Variants in GTF3C1 observed in about 807,000 individuals in gnomAD.
GTF3C1 encodes the protein general transcription factor 3C polypeptide 1.
Under a neutral mutation model 226.7 loss-of-function variants are expected in GTF3C1, and 57 were observed. That is an observed-to-expected ratio of 0.25 (90% confidence interval 0.20 to 0.31). The LOEUF (loss-of-function observed/expected upper bound fraction) is 0.31, where lower values mean the gene tolerates loss of function less well. Ranked by LOEUF, GTF3C1 falls within the 10% of genes least tolerant of loss-of-function variation. GTF3C1 has a pLI of 1.00. For missense variants in GTF3C1, 2,217 were observed against 2,776.1 expected, an observed-to-expected ratio of 0.80 and a Z score of 4.53; for synonymous variants, 1,090 against 1,084.8, an observed-to-expected ratio of 1.00 and a Z score of -0.09.
intron 5 of GTF3C1, among the ~76,000 whole-genome samples, chr16:27,529,519 C>T (rs1448713975): frequency 6.6e-6 from 1 of 152,062 alleles, no homozygotes; most frequent in East Asian, 1.9e-4. Context: ...ATTTCCATCT[C>T]ATCACTCCTA....
chr16:27,538,776 C>T (rs1348752242), intron 2 of GTF3C1, among the ~76,000 whole-genome samples: 2 of 152,124 alleles, frequency 1.3e-5, no homozygotes. Context: ...GCTGCCCTTG[C>T]TGTTTCCTCG....
chr16:27,494,931 C>T (rs1313715015), intron 15 of GTF3C1, 23 bp from the exon 16 acceptor site: 1 of 1,605,450 alleles, frequency 6.2e-7, no homozygotes, highest in Non-Finnish European at 8.5e-7. Flanking sequence ...CGCACGGTTA[C>T]CCCCGGCAGC....
intron 12 of GTF3C1, 151 bp downstream of exon 12, chr16:27,501,040 A>G: frequency 1.6e-6 from 1 of 643,408 alleles, no homozygotes; most frequent in East Asian, 2.7e-5. Context: ...TTTCCAGCTA[A>G]CCCATATTCC....
At chr16:27,472,001 C>T (rs759020503) in intron 29 of GTF3C1, 81 bp from the exon 30 acceptor site, 311 of 1,243,578 alleles carry the variant, frequency 2.5e-4, no homozygotes, top group Non-Finnish European at 3.4e-4. Flanking sequence ...GCAGAGGCTG[C>T]GGCTGATGCT....
At chr16:27,476,837 T>C (rs1245974940) in intron 28 of GTF3C1, among the ~76,000 whole-genome samples, 1 of 151,884 alleles carries the variant, frequency 6.6e-6, no homozygotes, top group Admixed American at 6.6e-5. Context: ...TCTAAACGAG[T>C]TTTTCTCCGA....
intron 16 of GTF3C1, 105 bp downstream of exon 16, chr16:27,494,658 G>T: frequency 1.3e-6 from 1 of 755,020 alleles, no homozygotes; most frequent in Non-Finnish European, 2.3e-6. Context: ...CATTCATCTG[G>T]GCAACACCGG....
intron 6 of GTF3C1, among the ~76,000 whole-genome samples, chr16:27,519,694 CAAGAGAA>C (rs1043460041): frequency 5.3e-5 from 8 of 149,748 alleles, no homozygotes; most frequent in African/African-American, 1.5e-4. Context: ...AGAAAGAGGG[CAAGAGAA>C]AAGAGAAAAG....
chr16:27,533,236 C>T, intron 5 of GTF3C1, 55 bp downstream of exon 5: 2 of 845,568 alleles, frequency 2.4e-6, no homozygotes, highest in Admixed American at 1.9e-5. Flanking sequence ...GACAAGACCT[C>T]CCGGCTATGG....
In GTF3C1 at chr16:27,463,129, C is replaced by T. The variant is rs1035626161; in HGVS notation, c.5924+412G>A. ...CCCCCACCAGAGGGGCTTCTGCGGC[C>T]CCCTTGCTTCCTGTAACTCTGTGGC... On this transcript the variant is annotated intron_variant, in intron 35 of 36. Transcript: ENST00000356183. The surrounding 1 kb of genome is among the most constrained non-coding windows in gnomAD (Gnocchi z 4.9). 3 of 207,228 alleles carry T rather than the reference C, an allele frequency of 1.4e-5. No homozygotes were observed. Among genetic ancestry groups the T allele is most frequent in the Non-Finnish European group, 2.9e-5 (3 of 105,128 alleles). 12.8% of individuals were successfully genotyped at this position (207,228 alleles called of 1,614,324 possible). A position where few individuals can be genotyped will look rare whatever the true frequency, so the allele number is the denominator to read the frequency against.
chr16:27,519,726 AAGAG>A (rs565772923), intron 6 of GTF3C1, among the ~76,000 whole-genome samples: 6 of 152,208 alleles, frequency 3.9e-5, no homozygotes, highest in Non-Finnish European at 5.9e-5. Context: ...CAAAAGAAAA[AAGAG>A]AGAGAGACAG....
chr16:27,506,284 C>T (rs932591816), intron 9 of GTF3C1, among the ~76,000 whole-genome samples, 168 bp from the exon 10 acceptor site: 3 of 152,132 alleles, frequency 2.0e-5, no homozygotes, highest in East Asian at 1.9e-4. Flanking sequence ...GGCCTCTCAT[C>T]GGCAGCAGGG....
Position 27,483,515 on chromosome 16 carries a change from A to G in GTF3C1, c.4002-390T>C, listed in dbSNP as rs865775396. The G allele has an allele frequency of 6.1e-5, 28 of 460,396 alleles. No homozygotes were observed. In the Middle Eastern group the frequency reaches 1.6e-3, roughly 26 times the overall value. 28.5% of individuals were successfully genotyped at this position (460,396 alleles called of 1,614,324 possible). ...TCTTAAGCTCTCTAATCTACTGCAA[A>G]GCAGGTGTGTCCACTCCACTAACCT... is the stretch of plus-strand genomic sequence containing the variant. On this transcript the variant is annotated intron_variant, in intron 25 of 36. Transcript: ENST00000356183.
intron 32 of GTF3C1, among the ~76,000 whole-genome samples, chr16:27,468,996 G>A: frequency 6.6e-6 from 1 of 152,344 alleles, no homozygotes; most frequent in East Asian, 1.9e-4. Context: ...TGGGGAAGCG[G>A]AAGTGCTCTG....
At chr16:27,522,325 A>G (rs2088762684) in intron 6 of GTF3C1, among the ~76,000 whole-genome samples, 1 of 152,214 alleles carries the variant, frequency 6.6e-6, no homozygotes, top group East Asian at 1.9e-4. Context: ...GGACTTTCCT[A>G]TAAATGGAAC....
chr16:27,496,998 T>C lies in GTF3C1; in HGVS notation c.2350+639A>G, dbSNP rs143531022. On this transcript the variant is annotated intron_variant, in intron 14 of 36. Coordinates refer to ENST00000356183, the MANE Select transcript of GTF3C1 (RefSeq NM_001520.4). ...GGGCTGCAGCCCTAGGAAAGGGAAGTCACACACACAACCTCTTCCACTTGG... is the reference window on the plus strand; with the variant it reads ...GGGCTGCAGCCCTAGGAAAGGGAAGCCACACACACAACCTCTTCCACTTGG... Among the ~76,000 whole-genome samples the C allele has an allele frequency of 6.0e-3, 915 of 152,308 alleles. 12 individuals are homozygous for C. The highest frequency in any genetic ancestry group is 0.021 in the African/African-American group (887 of 41,564).
chr16:27,486,888 G>GT (rs1325031462), intron 23 of GTF3C1, among the ~76,000 whole-genome samples: 3 of 152,204 alleles, frequency 2.0e-5, no homozygotes, highest in South Asian at 2.1e-4. Context: ...TGTTATCACT[G>GT]TTTTTTGTTG....
At chr16:27,537,705 G>T in intron 4 of GTF3C1, 79 bp downstream of exon 4, 1 of 1,001,450 alleles carries the variant, frequency 1.0e-6, no homozygotes, top group Non-Finnish European at 1.5e-6. Context: ...ACTGTACCCA[G>T]CTGCCCCTAC....
Position 27,463,687 on chromosome 16 carries a change from C to A in GTF3C1, c.5873-95G>T, listed in dbSNP as rs1295638436. Reference sequence around the variant, plus strand: ...AGCATGGTACCTAGCATGAGCAGGGCACCTCGAGGCTCAGGGGATGAAGTG... The same window carrying A: ...AGCATGGTACCTAGCATGAGCAGGGAACCTCGAGGCTCAGGGGATGAAGTG... On this transcript the variant is annotated intron_variant, in intron 34 of 36. Coordinates refer to ENST00000356183, the MANE Select transcript of GTF3C1 (RefSeq NM_001520.4). The surrounding 1 kb of genome is among the most constrained non-coding windows in gnomAD (Gnocchi z 4.9). 3.8e-6 allele frequency: 3 copies of A among 780,076 alleles called. No homozygotes were observed. Among genetic ancestry groups the A allele is most frequent in the Non-Finnish European group, 2.3e-6 (1 of 427,496 alleles). The allele number at this position is 780,076 out of a possible 1,614,324, so 48.3% of individuals were successfully genotyped here.
At position 27,464,567 on chromosome 16, in the gene GTF3C1, G is replaced by A. The variant is rs151019905; in HGVS notation, c.5625C>T (p.Ala1875=). ...SWASENGETD[A]EGTQMTPAKR... is the part of the protein sequence containing the mutation. ...TGGCAGGGGTCATCTGGGTGCCCTC[G>A]GCGTCGGTCTCCCCATTCTCACTGG... The change falls in exon 34 of 37, where the codon GCC becomes GCT. Residue 1875 remains alanine, a synonymous_variant. Transcript: ENST00000356183. 56 of 1,490,366 alleles carry A rather than the reference G, an allele frequency of 3.8e-5. No individual in the cohort carries two copies. Among genetic ancestry groups the A allele is most frequent in the Middle Eastern group, 3.6e-4 (2 of 5,546 alleles). The allele number at this position is 1,490,366 out of a possible 1,614,324, so 92.3% of individuals were successfully genotyped here. A position where few individuals can be genotyped will look rare whatever the true frequency, so the allele number is the denominator to read the frequency against.
Sources: gnomAD v4.1 joint callset for allele counts (sites outside exome capture counted in the v4.1 genomes callset) on GRCh38, gnomAD v4.1.1 for gene constraint, Gnocchi (gnomAD v3.1) non-coding constraint, MANE v1.5 for transcripts, NCBI Gene and HGNC (gene_info 2026-07-23, HGNC 2026-07-21) for gene names.